The following ULK4 variants were observed in gnomAD, a reference collection of about 807,000 sequenced individuals.
ULK4 encodes unc-51 like kinase 4.
A neutral mutation model predicts 160.6 loss-of-function variants in ULK4; 133 were observed. The ratio of observed to expected loss-of-function variants is 0.83; its 90% CI spans 0.72 to 0.96. The LOEUF is 0.96. Ranked by LOEUF, ULK4 falls within the 40% of genes least tolerant of loss-of-function variation. The pLI, the probability that ULK4 is intolerant of heterozygous loss-of-function variation, is 0.00. For synonymous variants in ULK4, 534 were observed against 539.8 expected (o/e 0.99, Z 0.15); for missense variants, 1,580 against 1,499.5 (o/e 1.05, Z -0.89).
chr3:41,753,202 G>A (rs962894788), intron 22 of ULK4, among the ~76,000 whole-genome samples: 5 of 152,146 alleles, frequency 3.3e-5, no homozygotes, highest in Non-Finnish European at 7.4e-5. Context: ...CTGGGCAACA[G>A]AGTAAGACCC....
At chr3:41,249,139 G>C (rs1022882445) in intron 36 of ULK4, among the ~76,000 whole-genome samples, 5 of 152,208 alleles carry the variant, frequency 3.3e-5, no homozygotes, top group African/African-American at 1.2e-4. Flanking sequence ...TGTGTGCACA[G>C]GCCAGGGGCT....
chr3:41,604,176 T>C (rs2032255162), intron 31 of ULK4, among the ~76,000 whole-genome samples: 1 of 152,036 alleles, frequency 6.6e-6, no homozygotes, highest in South Asian at 2.1e-4. Flanking sequence ...GGCCTCTGCA[T>C]AGCCTATTTA....
intron 34 of ULK4, among the ~76,000 whole-genome samples, chr3:41,432,309 G>A (rs1288967082): frequency 6.6e-6 from 1 of 152,000 alleles, no homozygotes; most frequent in Non-Finnish European, 1.5e-5. Context: ...TTTAAATGGC[G>A]TTTTCTTCAT....
At chr3:41,875,166 G>A (rs1477175857) in intron 17 of ULK4, among the ~76,000 whole-genome samples, 10 of 152,182 alleles carry the variant, frequency 6.6e-5, no homozygotes, top group South Asian at 2.1e-4. Context: ...GCAACAGAGC[G>A]AGACCCTGCC....
intron 30 of ULK4, among the ~76,000 whole-genome samples, chr3:41,633,843 T>G (rs572509713): frequency 6.6e-6 from 1 of 152,132 alleles, no homozygotes; most frequent in South Asian, 2.1e-4. Flanking sequence ...GCCACTACCA[T>G]GACCACCACC....
intron 30 of ULK4, among the ~76,000 whole-genome samples, chr3:41,660,958 A>T (rs1425026337): frequency 2.0e-5 from 3 of 152,156 alleles, no homozygotes. Context: ...AGTGTTCTAT[A>T]TTATGGCTAT....
At chr3:41,913,128 ACTAAG>A in intron 8 of ULK4, 1 of 373,568 alleles carries the variant, frequency 2.7e-6, no homozygotes, top group Admixed American at 4.4e-5. Flanking sequence ...CAGTCTGATA[ACTAAG>A]CATTAGAAGT....
intron 35 of ULK4, among the ~76,000 whole-genome samples, chr3:41,299,230 G>A (rs971313519): frequency 6.6e-6 from 1 of 152,164 alleles, no homozygotes; most frequent in African/African-American, 2.4e-5. Context: ...GAGAGGCCAC[G>A]TGGGGCAGAA....
intron 19 of ULK4, among the ~76,000 whole-genome samples, chr3:41,801,857 A>AAAAAT (rs1488010207): frequency 7.2e-5 from 11 of 152,058 alleles, no homozygotes; most frequent in Admixed American, 2.0e-4. Flanking sequence ...TCTCAAAAAT[A>AAAAAT]AAAATAAAAT....
At chr3:41,500,728 C>G (rs571389198) in intron 32 of ULK4, among the ~76,000 whole-genome samples, 1 of 152,266 alleles carries the variant, frequency 6.6e-6, no homozygotes, top group South Asian at 2.1e-4. Context: ...TTGGAGATTA[C>G]AGTTGAACCC....
chr3:41,370,727 G>C (rs981662094), intron 35 of ULK4, among the ~76,000 whole-genome samples: 2 of 152,180 alleles, frequency 1.3e-5, no homozygotes, highest in Non-Finnish European at 2.9e-5. Flanking sequence ...CACAAAACTG[G>C]GTGGCCAAGC....
chr3:41,596,099 G>A (rs1358498074), intron 31 of ULK4, among the ~76,000 whole-genome samples: 6 of 152,144 alleles, frequency 3.9e-5, no homozygotes, highest in Admixed American at 1.3e-4. Context: ...TCATTACATC[G>A]GGGGGATGAC....
chr3:41,913,636 G>A (rs543436050), intron 8 of ULK4, among the ~76,000 whole-genome samples: 70 of 152,214 alleles, frequency 4.6e-4, no homozygotes, highest in Admixed American at 7.2e-4. Flanking sequence ...TTAAGTTTTG[G>A]AACTATTCTG....
chr3:41,813,051 TG>T (rs947502874), intron 19 of ULK4, among the ~76,000 whole-genome samples: 2 of 152,176 alleles, frequency 1.3e-5, no homozygotes, highest in Non-Finnish European at 2.9e-5. Flanking sequence ...TATATAATTA[TG>T]GGTACTGAAC....
Position 41,644,033 on chromosome 3 carries a change from T to C in ULK4, c.3071+19574A>G, listed in dbSNP as rs535296604. Among the ~76,000 whole-genome samples the C allele has an allele frequency of 5.2e-3, 798 of 152,174 alleles. 6 individuals are homozygous for C. Among genetic ancestry groups the C allele is most frequent in the Non-Finnish European group, 7.5e-3 (509 of 67,996 alleles). ...TATAAGAATGCTTGTGATTGTTGTA[T>C]ATTGATTTTGTATCCTGAGACTTTG... is the stretch of plus-strand genomic sequence containing the variant. On this transcript the variant is annotated intron_variant, in intron 30 of 36. Coordinates refer to ENST00000301831, the MANE Select transcript of ULK4 (RefSeq NM_017886.4).
intron 36 of ULK4, 43 bp downstream of exon 36, chr3:41,249,446 G>A (rs751161071): frequency 2.7e-5 from 43 of 1,566,512 alleles, no homozygotes; most frequent in Non-Finnish European, 3.7e-5. Flanking sequence ...GAGAGTGTGT[G>A]CTGATCTAGA....
At chr3:41,518,161 T>C (rs1421839217) in intron 32 of ULK4, among the ~76,000 whole-genome samples, 1 of 152,188 alleles carries the variant, frequency 6.6e-6, no homozygotes, top group Non-Finnish European at 1.5e-5. Flanking sequence ...TTTATTCAGC[T>C]ATTTATAGCT....
At chr3:41,682,421 T>C (rs1358979049) in intron 27 of ULK4, among the ~76,000 whole-genome samples, 1 of 152,256 alleles carries the variant, frequency 6.6e-6, no homozygotes, top group Non-Finnish European at 1.5e-5. Flanking sequence ...AGTCTAATGA[T>C]GAAAACTACT....
At chr3:41,676,046 T>C (rs2035701521) in intron 29 of ULK4, among the ~76,000 whole-genome samples, 1 of 152,168 alleles carries the variant, frequency 6.6e-6, no homozygotes, top group African/African-American at 2.4e-5. Flanking sequence ...GCCCAGGGGA[T>C]GCCTTGATTT....
Sources: gnomAD v4.1 joint callset for allele counts (sites outside exome capture counted in the v4.1 genomes callset) on GRCh38, gnomAD v4.1.1 for gene constraint, MANE v1.5 for transcripts, NCBI Gene and HGNC (gene_info 2026-07-23, HGNC 2026-07-21) for gene names.